The following RGS3 variants were observed in gnomAD, a reference collection of about 807,000 sequenced individuals.
RGS3 encodes regulator of G protein signaling 3.
In RGS3, 80 loss-of-function variants were observed where a neutral mutation model predicts 132.6. The ratio of observed to expected loss-of-function variants is 0.60; its 90% confidence interval spans 0.50 to 0.73. RGS3 has a LOEUF of 0.73. Ranked by LOEUF, RGS3 falls within the 30% of genes least tolerant of loss-of-function variation. RGS3 has a pLI of 0.00. For synonymous variants in RGS3, 598 were observed against 620.6 expected, an observed-to-expected ratio of 0.96 and a Z score of 0.54; for missense variants, 1,382 against 1,530.8, an observed-to-expected ratio of 0.90 and a Z score of 1.62.
At chr9:113,540,845 G>A (rs1277019259) in intron 19 of RGS3, among the ~76,000 whole-genome samples, 2 of 152,246 alleles carry the variant, frequency 1.3e-5, no homozygotes, top group Non-Finnish European at 2.9e-5. Flanking sequence ...CTCAGTTTTT[G>A]CATCAGTAAA....
intron 16 of RGS3, chr9:113,522,480 T>C (rs1320923701): frequency 6.4e-6 from 1 of 155,526 alleles, no homozygotes; most frequent in African/African-American, 2.4e-5. Context: ...GACTTTCAAG[T>C]CCAGTGCTCT....
At position 113,507,348 on chromosome 9, in the gene RGS3, C is replaced by T. The variant is rs1239126958; in HGVS notation, c.1147C>T (p.Pro383Ser). The change falls in exon 13 of 25, where the codon CCA becomes TCA. Residue 383 changes from proline to serine, a missense_variant. Coordinates refer to ENST00000350696, the Ensembl canonical transcript of RGS3. This position sits in a 1 kb window ranked among gnomAD's most constrained non-coding sequence, Gnocchi z 5.0. ...CATGGTCCCCCAGGTCAAGCCAGGA[C>T]CAGATGGCGGGGTCCTGCGGCGGGC... The T allele has an allele frequency of 1.9e-6, 3 of 1,613,892 alleles. No individual in the cohort carries two copies. Among genetic ancestry groups the T allele is most frequent in the South Asian group, 1.1e-5 (1 of 91,082 alleles).
chr9:113,572,995 A>G (rs1488542936), intron 19 of RGS3, among the ~76,000 whole-genome samples: 2 of 152,270 alleles, frequency 1.3e-5, no homozygotes, highest in South Asian at 2.1e-4. Flanking sequence ...GATCGTCATG[A>G]GAGTAACAAT....
intron 8 of RGS3, 137 bp downstream of exon 6, chr9:113,495,983 G>A: frequency 1.3e-6 from 1 of 781,438 alleles, no homozygotes; most frequent in South Asian, 1.4e-5. Context: ...CCTGTGGGGT[G>A]GCCTGCATAG....
At chr9:113,508,389 C>T (rs1831238913) in intron 13 of RGS3, 152 bp from the exon 12 acceptor site, 1 of 719,238 alleles carries the variant, frequency 1.4e-6, no homozygotes, top group Non-Finnish European at 2.4e-6. Context: ...CTCCCAGCCT[C>T]CTCCCTCAGC....
Position 113,463,647 on chromosome 9 carries a change from G to T in RGS3, c.415+1446G>T. 1 of 1,236,502 alleles carries T rather than the reference G, an allele frequency of 8.1e-7. No individual in the cohort carries two copies. The highest frequency in any genetic ancestry group is 1.7e-5 in the South Asian group (1 of 58,720). 76.6% of individuals were successfully genotyped at this position (1,236,502 alleles called of 1,614,324 possible). ...GAACTCTCCCCATTCAAACCCGCGC[G>T]GGCCAATCAGGGCCGGGCGCGCCCT... On this transcript the variant is annotated intron_variant, in intron 3 of 24. Transcript: ENST00000350696. The surrounding 1 kb of genome is among the most constrained non-coding windows in gnomAD (Gnocchi z 4.6).
exon 2 of RGS3, chr9:113,461,771 A>G (rs1320625121): frequency 1.2e-6 from 2 of 1,613,916 alleles, no homozygotes; most frequent in African/African-American, 2.7e-5. Context: ...TGAGTGTTGT[A>G]CCTGCAGGTT....
Position 113,506,263 on chromosome 9 carries a change from A to T in RGS3, c.980-125A>T. ...CCAAGTTCAGTCCCTCATTTCACGGATGAAGAAACTTAGAGAAAAAGGGAG... is the reference window on the plus strand; with the variant it reads ...CCAAGTTCAGTCCCTCATTTCACGGTTGAAGAAACTTAGAGAAAAAGGGAG... On this transcript the variant is annotated intron_variant, in intron 11 of 24. Transcript: ENST00000350696. The surrounding 1 kb of genome is among the most constrained non-coding windows in gnomAD (Gnocchi z 4.7). 1 of 628,256 alleles carries T rather than the reference A, an allele frequency of 1.6e-6. No homozygotes were observed. The highest frequency in any genetic ancestry group is 2.8e-5 in the East Asian group (1 of 35,534). 38.9% of individuals were successfully genotyped at this position (628,256 alleles called of 1,614,324 possible). A position where few individuals can be genotyped will look rare whatever the true frequency, so the allele number is the denominator to read the frequency against.
At chr9:113,461,858 G>A in exon 2 of RGS3, 2 of 1,613,360 alleles carry the variant, frequency 1.2e-6, no homozygotes, top group South Asian at 1.1e-5. Context: ...AAGTTGTGAA[G>A]AGGTGACTAT....
chr9:113,458,550 A>C (rs1224838919), upstream of RGS3, among the ~76,000 whole-genome samples: 1 of 152,192 alleles, frequency 6.6e-6, no homozygotes, highest in Non-Finnish European at 1.5e-5. Flanking sequence ...ATTTCAAACT[A>C]GCTGTGGGGT....
chr9:113,485,677 A>G lies in RGS3; in HGVS notation c.673A>G (p.Arg225Gly), dbSNP rs777444265. 9.4e-6 allele frequency: 15 copies of G among 1,591,126 alleles called. No individual in the cohort carries two copies. The African/African-American group carries it at 1.5e-4, about 16-fold the overall frequency. The change falls in exon 7 of 25, where the codon AGG becomes GGG. Residue 225 changes from arginine to glycine, a missense_variant. Physicochemically the swap from Arg to Gly is moderately radical, Grantham distance 125 (BLOSUM62 -2). Coordinates refer to ENST00000350696, the Ensembl canonical transcript of RGS3. ...GCGTCTCTTGGTTACTGTGTGGAACAGGGCCAGCCAGTCCAGGTGAGGAGA... is the reference window on the plus strand; with the variant it reads ...GCGTCTCTTGGTTACTGTGTGGAACGGGGCCAGCCAGTCCAGGTGAGGAGA...
chr9:113,533,259 C>T (rs1258553767), intron 18 of RGS3, among the ~76,000 whole-genome samples: 2 of 147,128 alleles, frequency 1.4e-5, no homozygotes, highest in Non-Finnish European at 3.0e-5. Context: ...GAGACAGAGT[C>T]TCACTCTGTT....
At chr9:113,508,133 G>A (rs76385691) in intron 13 of RGS3, among the ~76,000 whole-genome samples, 3,727 of 152,292 alleles carry the variant, frequency 0.024, 66 homozygotes, top group Admixed American at 0.037. Flanking sequence ...ATGCAAAGGA[G>A]CCTAGTAGAG....
chr9:113,499,684 G>A (rs2119289079), intron 10 of RGS3, among the ~76,000 whole-genome samples: 1 of 152,322 alleles, frequency 6.6e-6, no homozygotes, highest in African/African-American at 2.4e-5. Flanking sequence ...ACCTGTCTAA[G>A]GCCCTGCCCC....
chr9:113,586,155 T>G (rs962708350), intron 20 of RGS3, among the ~76,000 whole-genome samples: 4 of 152,188 alleles, frequency 2.6e-5, no homozygotes, highest in Non-Finnish European at 4.4e-5. Context: ...CTTGATGGTT[T>G]CTACAGGAGA....
upstream of RGS3, among the ~76,000 whole-genome samples, chr9:113,458,673 T>TA (rs969230150): frequency 1.3e-5 from 2 of 152,020 alleles, no homozygotes; most frequent in Non-Finnish European, 2.9e-5. Flanking sequence ...GGCTTTTCTT[T>TA]AAAAAAAAGT....
chr9:113,541,341 C>T, intron 19 of RGS3: 1 of 1,613,768 alleles, frequency 6.2e-7, no homozygotes, highest in Non-Finnish European at 8.5e-7. Flanking sequence ...TTTCGGCTCT[C>T]TCCAGCAGGA....
At position 113,468,027 on chromosome 9, in the gene RGS3, G is replaced by T. The variant is rs909702404; in HGVS notation, c.415+5826G>T. 1.1e-4 allele frequency among the ~76,000 whole-genome samples: 17 copies of T among 152,196 alleles called. 1 individual carries two copies. The highest frequency in any genetic ancestry group is 9.2e-4 in the Admixed American group (14 of 15,286). ...AGGCATGAACCACTGTGTCCAGCCA[G>T]AACCCCAAACATTTTTAATTTTGAT... On this transcript the variant is annotated intron_variant, in intron 3 of 24. Coordinates refer to ENST00000350696, the Ensembl canonical transcript of RGS3.
At chr9:113,548,808 G>T (rs951682661) in intron 19 of RGS3, among the ~76,000 whole-genome samples, 1 of 152,188 alleles carries the variant, frequency 6.6e-6, no homozygotes, top group Non-Finnish European at 1.5e-5. Context: ...CACAGTGGCT[G>T]CAGGCCTTGT....
Sources: gnomAD v4.1 joint callset for allele counts (sites outside exome capture counted in the v4.1 genomes callset) on GRCh38, gnomAD v4.1.1 for gene constraint, Gnocchi (gnomAD v3.1) non-coding constraint, MANE v1.5 for transcripts, NCBI Gene and HGNC (gene_info 2026-07-23, HGNC 2026-07-21) for gene names.